The following PSD3 variants were observed in gnomAD, a reference collection of about 807,000 sequenced individuals.
The protein encoded by PSD3 is pleckstrin and Sec7 domain containing 3.
A neutral mutation model predicts 105.5 loss-of-function variants in PSD3; 49 were observed. The ratio of observed to expected loss-of-function variants is 0.46; its 90% CI spans 0.37 to 0.59. The LOEUF (loss-of-function observed/expected upper bound fraction) is 0.59. PSD3 is among the 20% of genes least tolerant of loss of function. The probability of loss-of-function intolerance (pLI) is 0.00; values close to 1 mark genes in which losing one functional copy is unlikely to be tolerated. For missense variants in PSD3, 1,561 were observed against 1,263.8 expected (o/e 1.24, Z -3.57); for synonymous variants, 557 against 457.8 (o/e 1.22, Z -2.77).
At chr8:18,553,648 C>T (rs191830237) in intron 15 of PSD3, among the ~76,000 whole-genome samples, 9 of 152,206 alleles carry the variant, frequency 5.9e-5, no homozygotes, top group Non-Finnish European at 1.2e-4. Context: ...CAAGCACTCA[C>T]GAGAGAAAAA....
chr8:19,005,215 G>A (rs752975879), intron 1 of PSD3, among the ~76,000 whole-genome samples: 2 of 151,918 alleles, frequency 1.3e-5, no homozygotes, highest in East Asian at 1.9e-4. Context: ...ACTGATGAAC[G>A]GATAAATAAA....
intron 8 of PSD3, among the ~76,000 whole-genome samples, chr8:18,770,472 T>A (rs1357519312): frequency 6.6e-6 from 1 of 152,228 alleles, no homozygotes; most frequent in Non-Finnish European, 1.5e-5. Context: ...TGAAGCAGGA[T>A]ATTTCCCTGA....
intron 14 of PSD3, among the ~76,000 whole-genome samples, chr8:18,570,642 C>A (rs1314177047): frequency 2.1e-5 from 3 of 146,110 alleles, no homozygotes; most frequent in Admixed American, 1.4e-4. Flanking sequence ...AACAAACAAC[C>A]CCATCAAAAA....
At chr8:18,889,503 A>C (rs1473658433) in intron 2 of PSD3, among the ~76,000 whole-genome samples, 2 of 152,138 alleles carry the variant, frequency 1.3e-5, no homozygotes, top group African/African-American at 4.8e-5. Flanking sequence ...TATAGCCCAA[A>C]GCCTGCCAAA....
intron 2 of PSD3, among the ~76,000 whole-genome samples, chr8:18,890,851 G>C (rs528871670): frequency 6.6e-6 from 1 of 152,074 alleles, no homozygotes; most frequent in Admixed American, 6.5e-5. Flanking sequence ...AAAAGGGGTC[G>C]AGTGGCAGAA....
intron 8 of PSD3, among the ~76,000 whole-genome samples, chr8:18,787,609 C>A (rs2129445945): frequency 6.6e-6 from 1 of 152,188 alleles, no homozygotes; most frequent in East Asian, 1.9e-4. Context: ...AATCAAAAGT[C>A]AAAATACTCT....
At chr8:18,559,349 A>G (rs1344710866) in intron 14 of PSD3, among the ~76,000 whole-genome samples, 1 of 152,226 alleles carries the variant, frequency 6.6e-6, no homozygotes, top group Non-Finnish European at 1.5e-5. Context: ...ATTTGAATTT[A>G]TATTTCCCTG....
intron 2 of PSD3, among the ~76,000 whole-genome samples, chr8:18,898,751 T>TTAGAAAATATATTTAC (rs1819312323): frequency 2.0e-5 from 3 of 152,138 alleles, no homozygotes; most frequent in African/African-American, 7.2e-5. Context: ...TTACTATTCA[T>TTAGAAAATATATTTAC]TAAGTGGAAA....
intron 2 of PSD3, among the ~76,000 whole-genome samples, chr8:18,882,619 T>C (rs929386764): frequency 6.6e-6 from 1 of 152,166 alleles, no homozygotes; most frequent in Non-Finnish European, 1.5e-5. Context: ...GCTGATACCA[T>C]TAAGTATAAA....
intron 2 of PSD3, among the ~76,000 whole-genome samples, chr8:18,921,889 T>C (rs1821045683): frequency 6.6e-6 from 1 of 152,182 alleles, no homozygotes; most frequent in Non-Finnish European, 1.5e-5. Flanking sequence ...TTCATGTCAA[T>C]GCCAAGGCAC....
chr8:18,897,810 T>C (rs1317432259), intron 2 of PSD3, among the ~76,000 whole-genome samples: 1 of 152,238 alleles, frequency 6.6e-6, no homozygotes, highest in Non-Finnish European at 1.5e-5. Context: ...GCTATTTGAA[T>C]GTTGGTATAT....
intron 9 of PSD3, among the ~76,000 whole-genome samples, chr8:18,656,073 T>A (rs1808871162): frequency 6.6e-6 from 1 of 152,214 alleles, no homozygotes; most frequent in African/African-American, 2.4e-5. Flanking sequence ...TTCTTCTTTT[T>A]TTCAGACGGA....
chr8:19,038,149 G>A (rs1366653609), intron 1 of PSD3, among the ~76,000 whole-genome samples: 1 of 151,954 alleles, frequency 6.6e-6, no homozygotes, highest in Admixed American at 6.6e-5. Flanking sequence ...CCAACATGTG[G>A]CATGTCAGAA....
At chr8:18,749,796 A>C (rs1805322734) in intron 9 of PSD3, among the ~76,000 whole-genome samples, 1 of 152,186 alleles carries the variant, frequency 6.6e-6, no homozygotes, top group Non-Finnish European at 1.5e-5. Flanking sequence ...CCACACGCAA[A>C]GGACTAAAGG....
intron 1 of PSD3, among the ~76,000 whole-genome samples, chr8:19,056,298 A>G (rs970254172): frequency 1.3e-5 from 2 of 152,226 alleles, no homozygotes; most frequent in Non-Finnish European, 1.5e-5. Context: ...TGACCCTCCT[A>G]TAACATAATT....
intron 2 of PSD3, among the ~76,000 whole-genome samples, chr8:18,897,123 G>C (rs1362893377): frequency 6.6e-6 from 1 of 152,042 alleles, no homozygotes. Flanking sequence ...TTGTCTTTTT[G>C]ATAACAGCCA....
intron 4 of PSD3, among the ~76,000 whole-genome samples, chr8:18,813,882 A>G (rs1811940782): frequency 6.6e-6 from 1 of 152,228 alleles, no homozygotes; most frequent in African/African-American, 2.4e-5. Context: ...ACGGTAAACA[A>G]AAAACGTCTG....
At chr8:18,658,162 C>G (rs1467139264) in intron 9 of PSD3, among the ~76,000 whole-genome samples, 1 of 152,216 alleles carries the variant, frequency 6.6e-6, no homozygotes, top group East Asian at 1.9e-4. Context: ...TTTTTTGTAG[C>G]ATGCCGAATC....
Position 19,003,234 on chromosome 8 carries a change from A to G in PSD3, c.21+10329T>C, listed in dbSNP as rs546775443. On this transcript the variant is annotated intron_variant, in intron 1 of 15. Coordinates refer to ENST00000327040, the MANE Select transcript of PSD3 (RefSeq NM_015310.4). ...CTTTAAGAGAAGAACAGGGCCAAGT[A>G]CAATGGCACCCCTGTAGTTCCAGCT... Among the ~76,000 whole-genome samples, 8 of 152,150 alleles carry G rather than the reference A, an allele frequency of 5.3e-5. 1 individual carries two copies. The highest frequency in any genetic ancestry group is 5.2e-4 in the Admixed American group (8 of 15,286).
Sources: gnomAD v4.1 joint callset for allele counts (sites outside exome capture counted in the v4.1 genomes callset) on GRCh38, gnomAD v4.1.1 for gene constraint, MANE v1.5 for transcripts, NCBI Gene and HGNC (gene_info 2026-07-23, HGNC 2026-07-21) for gene names.